Variants in ANO3 observed in about 807,000 individuals in gnomAD.
ANO3 encodes the protein anoctamin-3.
In ANO3, 99 loss-of-function variants were observed where a neutral mutation model predicts 144.8. That is an observed-to-expected ratio of 0.68 (90% confidence interval 0.58 to 0.81). The LOEUF is 0.81. Ranked by LOEUF, ANO3 falls within the 30% of genes least tolerant of loss-of-function variation. ANO3 has a pLI of 0.00. For missense variants in ANO3, 905 were observed against 1,202.2 expected (o/e 0.75, Z 3.66); for synonymous variants, 414 against 392.6 (o/e 1.05, Z -0.64).
chr11:26,524,838 C>T (rs993059657), intron 6 of ANO3, among the ~76,000 whole-genome samples: 1 of 152,132 alleles, frequency 6.6e-6, no homozygotes, highest in African/African-American at 2.4e-5. Context: ...TTAGTGTATA[C>T]TCCAGCTATT....
At position 26,385,931 on chromosome 11, in the gene ANO3, A is replaced by G. The variant is rs1375122592; in HGVS notation, c.46+53610A>G. On this transcript the variant is annotated intron_variant, in intron 1 of 26. Coordinates refer to ENST00000256737, the MANE Select transcript of ANO3 (RefSeq NM_031418.4). ...TATACATATTTACATGTATAAGCAT[A>G]CATATGCATGTATGTATGTAATTTC... Among the ~76,000 whole-genome samples the G allele has an allele frequency of 2.0e-5, 3 of 150,498 alleles. No individual in the cohort carries two copies. In the East Asian group the frequency reaches 5.8e-4, roughly 29 times the overall value.
intron 6 of ANO3, among the ~76,000 whole-genome samples, chr11:26,519,297 G>A (rs1444113673): frequency 6.6e-6 from 1 of 152,132 alleles, no homozygotes; most frequent in African/African-American, 2.4e-5. Flanking sequence ...GCCTCCTCTA[G>A]ACTTCATACA....
intron 1 of ANO3, among the ~76,000 whole-genome samples, chr11:26,296,295 T>G (rs1477677765): frequency 6.6e-6 from 1 of 152,166 alleles, no homozygotes; most frequent in Non-Finnish European, 1.5e-5. Context: ...ATCTCCAAAT[T>G]TAAACATCTC....
intron 1 of ANO3, among the ~76,000 whole-genome samples, chr11:26,376,741 T>C (rs1188912353): frequency 6.6e-6 from 1 of 152,148 alleles, no homozygotes; most frequent in Non-Finnish European, 1.5e-5. Flanking sequence ...TGGTAGTAAT[T>C]TGTGGAGTAA....
At chr11:26,416,868 G>A (rs1857603405) in intron 1 of ANO3, among the ~76,000 whole-genome samples, 1 of 151,920 alleles carries the variant, frequency 6.6e-6, no homozygotes, top group African/African-American at 2.4e-5. Flanking sequence ...TCAAAGCCTG[G>A]GTAAACACAA....
chr11:26,447,774 A>T (rs1858756989), intron 3 of ANO3, among the ~76,000 whole-genome samples: 1 of 152,110 alleles, frequency 6.6e-6, no homozygotes, highest in Admixed American at 6.6e-5. Context: ...ATATATCCCC[A>T]CACACTCACA....
chr11:26,295,966 A>T (rs1217973966), intron 1 of ANO3, among the ~76,000 whole-genome samples: 1 of 152,218 alleles, frequency 6.6e-6, no homozygotes, highest in East Asian at 1.9e-4. Context: ...TTCTCTTGTG[A>T]TATGAACACC....
chr11:26,405,981 C>A, intron 1 of ANO3, among the ~76,000 whole-genome samples: 1 of 151,760 alleles, frequency 6.6e-6, no homozygotes, highest in East Asian at 1.9e-4. Flanking sequence ...ACATTTTAAG[C>A]CCTAATGGCA....
Position 26,438,344 on chromosome 11 carries a change from G to C in ANO3, c.47-3574G>C, listed in dbSNP as rs190154944. On this transcript the variant is annotated intron_variant, in intron 1 of 26. Transcript: ENST00000256737. ...TCTGCTTTTTAGAAGACACTAGTAA[G>C]ATAATGAAAATATAGGCTACAGACT... 1.4e-3 allele frequency among the ~76,000 whole-genome samples: 218 copies of C among 152,066 alleles called. 1 individual carries two copies. Among genetic ancestry groups the C allele is most frequent in the South Asian group, 0.011 (55 of 4,818 alleles).
chr11:26,326,300 C>A (rs1486349079), intron 1 of ANO3, among the ~76,000 whole-genome samples: 1 of 152,016 alleles, frequency 6.6e-6, no homozygotes, highest in African/African-American at 2.4e-5. Context: ...AACATAAAGC[C>A]ACTCTATGAA....
At chr11:26,336,712 A>G (rs966295835) in intron 1 of ANO3, among the ~76,000 whole-genome samples, 4 of 150,620 alleles carry the variant, frequency 2.7e-5, no homozygotes, top group African/African-American at 9.8e-5. Context: ...ACAATCTAGA[A>G]CCTCCCTATA....
intron 12 of ANO3, among the ~76,000 whole-genome samples, chr11:26,552,202 G>A (rs906416988): frequency 5.3e-5 from 8 of 151,882 alleles, no homozygotes; most frequent in South Asian, 2.1e-4. Flanking sequence ...ATCTTTGCCC[G>A]CTGTAAAGCA....
In ANO3 at chr11:26,508,157, G is replaced by A. The variant is rs769932677; in HGVS notation, c.486G>A (p.Lys162=). 14 of 1,596,128 alleles carry A rather than the reference G, an allele frequency of 8.8e-6. No individual in the cohort carries two copies. The highest frequency in any genetic ancestry group is 1.0e-5 in the Non-Finnish European group (12 of 1,174,890). The stretch of plus-strand genomic sequence containing the variant: ...GACCTCTGTTCAAAGATGGCAAAAA[G>A]AGAATTGATTACATCTTGGTTTATA... ...SSGPLFKDGK[K]RIDYILVYRK... is the part of the protein sequence containing the mutation. The change falls in exon 5 of 27, where the codon AAG becomes AAA. Residue 162 remains lysine, a synonymous_variant. Transcript: ENST00000256737.
At chr11:26,503,300 T>G (rs1861272882) in intron 4 of ANO3, among the ~76,000 whole-genome samples, 2 of 152,158 alleles carry the variant, frequency 1.3e-5, no homozygotes, top group Non-Finnish European at 2.9e-5. Flanking sequence ...TGAATCATGA[T>G]TTTATGTTTG....
intron 1 of ANO3, among the ~76,000 whole-genome samples, chr11:26,247,030 T>C (rs1852812827): frequency 6.6e-6 from 1 of 152,246 alleles, no homozygotes; most frequent in African/African-American, 2.4e-5. Flanking sequence ...ACTTTTGTGA[T>C]ATATTGAAAG....
chr11:26,244,778 C>G (rs1390827125), intron 1 of ANO3, among the ~76,000 whole-genome samples: 1 of 152,028 alleles, frequency 6.6e-6, no homozygotes, highest in African/African-American at 2.4e-5. Context: ...TCTTATGTAA[C>G]TGAAATAAAA....
intron 15 of ANO3, 117 bp from the exon 16 acceptor site, chr11:26,598,741 T>G (rs1198525923): frequency 6.2e-6 from 6 of 975,374 alleles, no homozygotes; most frequent in Non-Finnish European, 8.9e-6. Context: ...AAGGTTGCTT[T>G]ATTGTGAAGA....
chr11:26,271,087 G>C (rs759430620), intron 1 of ANO3, among the ~76,000 whole-genome samples: 1 of 152,226 alleles, frequency 6.6e-6, no homozygotes, highest in African/African-American at 2.4e-5. Context: ...TAAGGGCCTA[G>C]ATTTAATTTT....
rs979989740 is a variant in ANO3, at chr11:26,226,544, T to C, written c.154+37214T>C. Among the ~76,000 whole-genome samples the C allele has an allele frequency of 2.0e-5, 3 of 152,124 alleles. 1 individual carries two copies. Among genetic ancestry groups the C allele is most frequent in the Admixed American group, 1.3e-4 (2 of 15,270 alleles). ...AGTTTATCCCTGGAGCCCGACTTAC[T>C]TGTACTTGAAATCATAGTATATGAC... On this transcript the variant is annotated intron_variant, in intron 1 of 27. Transcript: ENST00000672621.
Sources: gnomAD v4.1 joint callset for allele counts (sites outside exome capture counted in the v4.1 genomes callset) on GRCh38, gnomAD v4.1.1 for gene constraint, MANE v1.5 for transcripts, NCBI Gene and HGNC (gene_info 2026-07-23, HGNC 2026-07-21) for gene names.